Variants in TRAF1 observed in about 807,000 individuals in gnomAD.
The protein encoded by TRAF1 is TNF receptor-associated factor 1.
In TRAF1, 23 loss-of-function variants were observed where a neutral mutation model predicts 40.9. The observed-to-expected ratio is 0.56, with a 90% CI of 0.40 to 0.80. TRAF1 has a LOEUF of 0.80. Among genes scored for constraint, TRAF1 ranks in the 30% least tolerant of loss-of-function variants. The pLI, the probability that TRAF1 is intolerant of heterozygous loss-of-function variation, is 0.00. For missense variants in TRAF1, 477 were observed against 528.7 expected (o/e 0.90, Z 0.96); for synonymous variants, 206 against 218.8 (o/e 0.94, Z 0.52).
intron 7 of TRAF1, among the ~76,000 whole-genome samples, chr9:120,907,216 C>G (rs1243620833): frequency 6.6e-6 from 1 of 152,214 alleles, no homozygotes; most frequent in Non-Finnish European, 1.5e-5. Flanking sequence ...GCATTCAGAA[C>G]ATAGTCTTTT....
At chr9:120,915,222 C>G (rs1261594884) in intron 3 of TRAF1, among the ~76,000 whole-genome samples, 9 of 152,172 alleles carry the variant, frequency 5.9e-5, no homozygotes, top group Admixed American at 5.9e-4. Flanking sequence ...TGTATTTACA[C>G]AAACCTGGAT....
In TRAF1 at chr9:120,903,612, G is replaced by C. The variant is rs2046456495; in HGVS notation, c.*1408C>G. 6.6e-6 allele frequency: 1 copy of C among 152,548 alleles called. No homozygotes were observed. Among genetic ancestry groups the C allele is most frequent in the East Asian group, 1.9e-4 (1 of 5,208 alleles). The allele number at this position is 152,548 out of a possible 1,614,324, so 9.4% of individuals were successfully genotyped here. A position where few individuals can be genotyped will look rare whatever the true frequency, so the allele number is the denominator to read the frequency against. ...GAAAGCAGCAGGGGAGAGTAGTAGG[G>C]TCCTGACTTGTCTCAGGGTCTTTGG... On this transcript the variant is annotated 3_prime_UTR_variant, in exon 8 of 8. Transcript: ENST00000373887.
intron 6 of TRAF1, among the ~76,000 whole-genome samples, chr9:120,910,349 A>G (rs1296181886): frequency 2.0e-5 from 3 of 152,216 alleles, no homozygotes; most frequent in Non-Finnish European, 4.4e-5. Flanking sequence ...CTACTCCTGC[A>G]GGAAAGGAGT....
At chr9:120,909,077 T>C (rs1423186126) in intron 7 of TRAF1, among the ~76,000 whole-genome samples, 153 bp downstream of exon 7, 1 of 152,120 alleles carries the variant, frequency 6.6e-6, no homozygotes, top group Non-Finnish European at 1.5e-5. Flanking sequence ...GGAGCCCTAG[T>C]TACTAGATCT....
In TRAF1 at chr9:120,905,005, G is replaced by C; in HGVS notation, c.*15C>G. ...TCCCTTCTGAGTTGGAGCTCCCTCA[G>C]GAGCCCCGCCCACCCTAAGTGCTGG... is the stretch of plus-strand genomic sequence containing the variant. On this transcript the variant is annotated 3_prime_UTR_variant, in exon 8 of 8. Coordinates refer to ENST00000373887, the MANE Select transcript of TRAF1 (RefSeq NM_005658.5). 6.2e-7 allele frequency: 1 copy of C among 1,608,990 alleles called. No homozygotes were observed. The highest frequency in any genetic ancestry group is 8.5e-7 in the Non-Finnish European group (1 of 1,178,038).
At chr9:120,922,760 G>A (rs963235080) in intron 3 of TRAF1, among the ~76,000 whole-genome samples, 8 of 152,224 alleles carry the variant, frequency 5.3e-5, no homozygotes, top group Non-Finnish European at 8.8e-5. Context: ...ATGTAAAGGG[G>A]TGGATAGTAA....
chr9:120,917,634 C>A (rs1255241069), intron 3 of TRAF1, among the ~76,000 whole-genome samples: 2 of 152,164 alleles, frequency 1.3e-5, no homozygotes, highest in Admixed American at 1.3e-4. Flanking sequence ...CTCCTGGAGG[C>A]CCAAGGGGAG....
At chr9:120,906,190 T>TG (rs2046481391) in intron 7 of TRAF1, among the ~76,000 whole-genome samples, 1 of 150,114 alleles carries the variant, frequency 6.7e-6, no homozygotes, top group Non-Finnish European at 1.5e-5. Context: ...TTTTTTTTTT[T>TG]TTTTTTGAGA....
intron 7 of TRAF1, among the ~76,000 whole-genome samples, chr9:120,907,569 G>A (rs892836942): frequency 3.3e-5 from 5 of 152,200 alleles, no homozygotes; most frequent in Non-Finnish European, 7.3e-5. Context: ...CAAAGTGGCC[G>A]TACCATTTTG....
intron 7 of TRAF1, among the ~76,000 whole-genome samples, chr9:120,907,466 C>G (rs773904649): frequency 6.6e-6 from 1 of 152,190 alleles, no homozygotes; most frequent in Non-Finnish European, 1.5e-5. Context: ...TTCAACTCCT[C>G]TAAGTAAACT....
intron 5 of TRAF1, among the ~76,000 whole-genome samples, chr9:120,912,668 A>G (rs1019798691): frequency 1.9e-5 from 2 of 104,978 alleles, no homozygotes; most frequent in South Asian, 4.8e-4. Flanking sequence ...AGGAAAAAAA[A>G]AAAGAAAGAA....
At chr9:120,910,797 G>A (rs1424150945) in intron 6 of TRAF1, among the ~76,000 whole-genome samples, 1 of 152,188 alleles carries the variant, frequency 6.6e-6, no homozygotes. Flanking sequence ...GCAAGACATT[G>A]TGCCAAGCCC....
intron 7 of TRAF1, among the ~76,000 whole-genome samples, chr9:120,906,869 T>C (rs2046486908): frequency 1.3e-5 from 2 of 152,192 alleles, no homozygotes; most frequent in South Asian, 4.1e-4. Context: ...CTTTTGTTTT[T>C]GTTTTTGTTT....
intron 3 of TRAF1, among the ~76,000 whole-genome samples, chr9:120,921,534 G>A (rs930238490): frequency 6.6e-6 from 1 of 152,026 alleles, no homozygotes; most frequent in Non-Finnish European, 1.5e-5. Flanking sequence ...GCAGGTAAGG[G>A]CCTTTTGCAA....
At chr9:120,912,106 C>T (rs1449890788) in intron 5 of TRAF1, among the ~76,000 whole-genome samples, 1 of 152,088 alleles carries the variant, frequency 6.6e-6, no homozygotes, top group Non-Finnish European at 1.5e-5. Context: ...GTAGGGAAGC[C>T]ATGAATGGAA....
chr9:120,924,298 C>T (rs2046624366), intron 2 of TRAF1, among the ~76,000 whole-genome samples: 1 of 152,194 alleles, frequency 6.6e-6, no homozygotes, highest in African/African-American at 2.4e-5. Context: ...GGATCATGGC[C>T]TATTAGAACA....
At chr9:120,905,427 C>A in intron 7 of TRAF1, among the ~76,000 whole-genome samples, 189 bp from the exon 8 acceptor site, 1 of 152,290 alleles carries the variant, frequency 6.6e-6, no homozygotes, top group Middle Eastern at 3.4e-3. Context: ...ACCCAGGGAG[C>A]CAGCGGCACC....
At chr9:120,922,468 T>C (rs2046611614) in intron 3 of TRAF1, among the ~76,000 whole-genome samples, 1 of 152,216 alleles carries the variant, frequency 6.6e-6, no homozygotes, top group African/African-American at 2.4e-5. Flanking sequence ...TTTTATCATT[T>C]TGTCATGAGC....
chr9:120,907,326 C>T (rs2046490881), intron 7 of TRAF1, among the ~76,000 whole-genome samples: 1 of 152,232 alleles, frequency 6.6e-6, no homozygotes, highest in African/African-American at 2.4e-5. Context: ...TAATATTCCA[C>T]TGTCTGGATG....
Sources: gnomAD v4.1 joint callset for allele counts (sites outside exome capture counted in the v4.1 genomes callset) on GRCh38, gnomAD v4.1.1 for gene constraint, MANE v1.5 for transcripts, NCBI Gene and HGNC (gene_info 2026-07-23, HGNC 2026-07-21) for gene names.